Variants in TXLNG observed in about 807,000 individuals in gnomAD.
TXLNG encodes the protein taxilin gamma, also known as gamma-taxilin.
TXLNG carries 5 observed loss-of-function variants against 38.8 expected under a neutral mutation model. That is an observed-to-expected ratio of 0.13 (90% CI 0.07 to 0.27). The LOEUF is 0.27. Among genes scored for constraint, TXLNG ranks in the 10% least tolerant of loss-of-function variants. TXLNG has a pLI of 1.00. For synonymous variants in TXLNG, 182 were observed against 158.2 expected (o/e 1.15, Z -1.13); for missense variants, 393 against 398.2 (o/e 0.99, Z 0.11).
At chrX:16,816,063 G>T (rs1188490413) in intron 1 of TXLNG, among the ~76,000 whole-genome samples, 2 of 108,432 alleles carry the variant, frequency 1.8e-5, no homozygotes, top group Non-Finnish European at 3.8e-5. Flanking sequence ...GTATATTAAT[G>T]ATTTTTTTTT....
intron 1 of TXLNG, among the ~76,000 whole-genome samples, chrX:16,802,190 C>T (rs1928124778): frequency 9.5e-6 from 1 of 104,832 alleles, no homozygotes; most frequent in Admixed American, 1.1e-4. Context: ...CTCCTGACCT[C>T]GTGATCTGCC....
At chrX:16,787,269 G>A (rs886833572) in intron 1 of TXLNG, among the ~76,000 whole-genome samples, 13 of 112,313 alleles carry the variant, frequency 1.2e-4, no homozygotes, top group African/African-American at 3.9e-4. Context: ...TGCACGTGGG[G>A]CCGGGGATGG....
chrX:16,843,464 A>C lies in TXLNG; in HGVS notation c.*1698A>C, dbSNP rs919856881. ...CATCAAAATGAGTCAGAAGCAAAAA[A>C]CACCACCCTCCAACAGCCTCTTAGG... On this transcript the variant is annotated 3_prime_UTR_variant, in exon 10 of 10. Transcript: ENST00000380122. The C allele has an allele frequency of 1.8e-5, 2 of 111,663 alleles. No individual in the cohort carries two copies. Among genetic ancestry groups the C allele is most frequent in the African/African-American group, 3.3e-5 (1 of 30,664 alleles). 9.2% of individuals were successfully genotyped at this position (111,663 alleles called of 1,213,427 possible).
At chrX:16,830,973 T>TG (rs1309559338) in intron 5 of TXLNG, among the ~76,000 whole-genome samples, 3 of 108,360 alleles carry the variant, frequency 2.8e-5, no homozygotes, top group African/African-American at 6.7e-5. Context: ...CCCAAAGTGC[T>TG]GGGATTGTAG....
At chrX:16,830,828 TCCGTGTGTGTGTGTGTGTGTGTGTGTG>T (rs1929368452) in intron 5 of TXLNG, among the ~76,000 whole-genome samples, 1 of 89,843 alleles carries the variant, frequency 1.1e-5, no homozygotes, top group Non-Finnish European at 2.2e-5. Context: ...AAACCGTAAT[TCCGTGTGTGTGTGTGTGTGTGTGTGTG>T]TGTGTGTGTG....
intron 1 of TXLNG, among the ~76,000 whole-genome samples, chrX:16,790,427 C>G (rs2147456586): frequency 9.1e-6 from 1 of 110,410 alleles, no homozygotes; most frequent in South Asian, 3.9e-4. Flanking sequence ...GTCTTGAACT[C>G]CTAGGCTCAG....
At chrX:16,789,639 G>A (rs955273547) in intron 1 of TXLNG, among the ~76,000 whole-genome samples, 3 of 103,544 alleles carry the variant, frequency 2.9e-5, no homozygotes, top group African/African-American at 1.1e-4. Flanking sequence ...AGGCTCATTC[G>A]TTTTACTTCC....
At chrX:16,798,536 T>G (rs137867939) in intron 1 of TXLNG, among the ~76,000 whole-genome samples, 2,379 of 110,831 alleles carry the variant, frequency 0.021, 25 homozygotes, top group Non-Finnish European at 0.033. Context: ...ACAGCTGCAC[T>G]CGTGCTTTTT....
At chrX:16,832,426 G>A (rs1929444183) in intron 5 of TXLNG, among the ~76,000 whole-genome samples, 197 bp from the exon 6 acceptor site, 1 of 112,081 alleles carries the variant, frequency 8.9e-6, no homozygotes, top group South Asian at 3.7e-4. Context: ...GCCCATGTGG[G>A]ATGGTTTGCA....
chrX:16,797,686 C>G (rs1038857064), intron 1 of TXLNG, among the ~76,000 whole-genome samples: 1 of 112,166 alleles, frequency 8.9e-6, no homozygotes, highest in African/African-American at 3.2e-5. Context: ...AAGGAAGTTG[C>G]AGTCTTTTGT....
At chrX:16,800,993 G>T (rs1438069563) in intron 1 of TXLNG, among the ~76,000 whole-genome samples, 3 of 111,393 alleles carry the variant, frequency 2.7e-5, no homozygotes, top group Non-Finnish European at 5.7e-5. Context: ...AATGTGTGAT[G>T]CCCCTGACCC....
intron 3 of TXLNG, among the ~76,000 whole-genome samples, chrX:16,820,621 T>C (rs910534251): frequency 6.3e-5 from 7 of 111,949 alleles, no homozygotes; most frequent in Non-Finnish European, 1.3e-4. Flanking sequence ...AGGACTGTTT[T>C]GATTGAGATT....
Position 16,788,936 on chromosome X carries a change from G to A in TXLNG, c.102+2347G>A, listed in dbSNP as rs771824698. Among the ~76,000 whole-genome samples, 18 of 111,460 alleles carry A rather than the reference G, an allele frequency of 1.6e-4. 1 individual carries two copies. The highest frequency in any genetic ancestry group is 3.2e-4 in the Non-Finnish European group (17 of 53,027). On this transcript the variant is annotated intron_variant, in intron 1 of 9. Coordinates refer to ENST00000380122, the MANE Select transcript of TXLNG (RefSeq NM_018360.3). ...ACCCACCTTGGCCTTCCAAAGTGGC[G>A]GGATTACAGGCATGAGCCACTGCAA...
chrX:16,834,160 G>GT lies in TXLNG; in HGVS notation c.985-120dup, dbSNP rs1929509640. The GT allele has an allele frequency of 5.8e-6, 3 of 514,875 alleles. No individual in the cohort carries two copies. In the East Asian group the frequency reaches 1.1e-4, roughly 19 times the overall value. The allele number at this position is 514,875 out of a possible 1,213,427, so 42.4% of individuals were successfully genotyped here. ...TAAATGGCAATTTGTGGAACAGACT[G>GT]TTTCATCTGTAGACCTGTGGTTCTT... is the stretch of plus-strand genomic sequence containing the variant. On this transcript the variant is annotated intron_variant, in intron 6 of 9. Coordinates refer to ENST00000380122, the MANE Select transcript of TXLNG (RefSeq NM_018360.3).
intron 3 of TXLNG, among the ~76,000 whole-genome samples, chrX:16,821,288 G>A (rs776139446): frequency 9.4e-6 from 1 of 106,855 alleles, no homozygotes; most frequent in Non-Finnish European, 1.9e-5. Flanking sequence ...CTACAGGCGC[G>A]TGCCACCACG....
chrX:16,833,585 G>T (rs748055094), intron 6 of TXLNG, among the ~76,000 whole-genome samples: 2 of 110,924 alleles, frequency 1.8e-5, no homozygotes, highest in South Asian at 7.5e-4. Flanking sequence ...GTTCAGCTGA[G>T]AAATGGTTAT....
intron 1 of TXLNG, among the ~76,000 whole-genome samples, chrX:16,791,389 T>G (rs1452915251): frequency 9.0e-6 from 1 of 111,245 alleles, no homozygotes; most frequent in Non-Finnish European, 1.9e-5. Flanking sequence ...TAAAGTGATC[T>G]TCTGCTTACA....
At chrX:16,832,128 G>T (rs911016612) in intron 5 of TXLNG, among the ~76,000 whole-genome samples, 4 of 112,316 alleles carry the variant, frequency 3.6e-5, no homozygotes, top group Non-Finnish European at 7.5e-5. Flanking sequence ...AGCGTGGAGA[G>T]GAATTAGCCC....
intron 1 of TXLNG, among the ~76,000 whole-genome samples, chrX:16,802,229 A>G (rs1283011414): frequency 7.1e-5 from 7 of 98,502 alleles, no homozygotes; most frequent in Admixed American, 4.5e-4. Flanking sequence ...TGCTGGGATT[A>G]CAGGGGCGAG....
Sources: gnomAD v4.1 joint callset for allele counts (sites outside exome capture counted in the v4.1 genomes callset) on GRCh38, gnomAD v4.1.1 for gene constraint, MANE v1.5 for transcripts, NCBI Gene and HGNC (gene_info 2026-07-23, HGNC 2026-07-21) for gene names.